The following GABRG3 variants were observed in gnomAD, a reference collection of about 807,000 sequenced individuals.
GABRG3 encodes the protein gamma-aminobutyric acid type A receptor subunit gamma3.
Under a neutral mutation model 48.8 loss-of-function variants are expected in GABRG3, and 25 were observed. The ratio of observed to expected loss-of-function variants is 0.51; its 90% CI spans 0.37 to 0.72. The LOEUF (loss-of-function observed/expected upper bound fraction) is 0.72, where lower values mean the gene tolerates loss of function less well. GABRG3 is among the 30% of genes least tolerant of loss of function. The pLI is 0.00. For synonymous variants in GABRG3, 227 were observed against 217.6 expected (o/e 1.04, Z -0.38); for missense variants, 394 against 577.9 (o/e 0.68, Z 3.26).
At chr15:27,335,335 C>T (rs73365219) in intron 5 of GABRG3, among the ~76,000 whole-genome samples, 3 of 152,300 alleles carry the variant, frequency 2.0e-5, no homozygotes, top group South Asian at 2.1e-4. Context: ...ACAGCAGCTG[C>T]ACCACTTTAC....
intron 5 of GABRG3, among the ~76,000 whole-genome samples, chr15:27,395,893 CTG>C (rs1887283579): frequency 6.6e-6 from 1 of 152,110 alleles, no homozygotes; most frequent in Non-Finnish European, 1.5e-5. Flanking sequence ...CAGGGTCTCA[CTG>C]TGTCACCCAG....
Position 27,414,499 on chromosome 15 carries a change from T to C in GABRG3, c.575-66151T>C, listed in dbSNP as rs545905589. On this transcript the variant is annotated intron_variant, in intron 5 of 9. Transcript: ENST00000615808. The stretch of plus-strand genomic sequence containing the variant: ...GGTCCTGCTGCTTATTTTAAACAAA[T>C]AAAAGCTGCTTATTTTAAACAAATG... 7.2e-5 allele frequency among the ~76,000 whole-genome samples: 11 copies of C among 152,254 alleles called. No homozygotes were observed. The South Asian group carries it at 2.1e-3, about 29-fold the overall frequency.
intron 2 of GABRG3, among the ~76,000 whole-genome samples, chr15:26,984,043 G>A (rs1895105914): frequency 6.6e-6 from 1 of 151,978 alleles, no homozygotes; most frequent in African/African-American, 2.4e-5. Context: ...CTCATTTCGT[G>A]TCCCTTCCCC....
intron 5 of GABRG3, among the ~76,000 whole-genome samples, chr15:27,355,390 T>C (rs1894801744): frequency 6.6e-6 from 1 of 152,104 alleles, no homozygotes; most frequent in Non-Finnish European, 1.5e-5. Context: ...CCCAGCACCA[T>C]AGGTCATGAG....
At chr15:27,157,536 T>C (rs1008973112) in intron 3 of GABRG3, 1 of 152,176 alleles carries the variant, frequency 6.6e-6, no homozygotes, top group African/African-American at 2.4e-5. Flanking sequence ...TTACAAAGCA[T>C]GTGAGATACT....
At chr15:27,400,616 C>T (rs150403106) in intron 5 of GABRG3, among the ~76,000 whole-genome samples, 7 of 152,102 alleles carry the variant, frequency 4.6e-5, no homozygotes, top group African/African-American at 1.2e-4. Flanking sequence ...GAATTTTAAA[C>T]GAGTTTAGAG....
At chr15:27,123,041 C>A (rs1897758267) in intron 3 of GABRG3, among the ~76,000 whole-genome samples, 1 of 151,874 alleles carries the variant, frequency 6.6e-6, no homozygotes, top group Admixed American at 6.6e-5. Flanking sequence ...TCCCCTTTTT[C>A]CCTCTCCCTT....
intron 3 of GABRG3, among the ~76,000 whole-genome samples, chr15:27,282,142 A>G (rs1891455090): frequency 6.6e-6 from 1 of 152,088 alleles, no homozygotes; most frequent in African/African-American, 2.4e-5. Context: ...AGCTGCTTTC[A>G]ATATTCTCCC....
intron 5 of GABRG3, among the ~76,000 whole-genome samples, chr15:27,348,585 C>T (rs1211826854): frequency 6.6e-6 from 1 of 152,086 alleles, no homozygotes; most frequent in Non-Finnish European, 1.5e-5. Flanking sequence ...AAAACAAGCT[C>T]CAGACCTCAT....
At chr15:27,064,725 T>C (rs1896708634) in intron 3 of GABRG3, among the ~76,000 whole-genome samples, 1 of 152,156 alleles carries the variant, frequency 6.6e-6, no homozygotes, top group East Asian at 1.9e-4. Flanking sequence ...AGGGCCTCAT[T>C]TGGGCCTTCT....
rs189494336 is a variant in GABRG3, at chr15:27,072,610, C to T, written c.270+45789C>T. Among the ~76,000 whole-genome samples, 812 of 152,286 alleles carry T rather than the reference C, an allele frequency of 5.3e-3. 2 individuals are homozygous for T. Among genetic ancestry groups the T allele is most frequent in the Middle Eastern group, 0.01 (3 of 294 alleles). ...CATTTCTTGCACAAGTGACTTACTG[C>T]GGAAGGAACAGGTCGGGGGCAGTGC... On this transcript the variant is annotated intron_variant, in intron 3 of 9. Transcript: ENST00000615808.
chr15:27,529,933 A>T (rs951390425), intron 9 of GABRG3, among the ~76,000 whole-genome samples: 1 of 152,096 alleles, frequency 6.6e-6, no homozygotes, highest in East Asian at 1.9e-4. Context: ...TAATGACCTT[A>T]AAGGAAGTAC....
intron 5 of GABRG3, among the ~76,000 whole-genome samples, chr15:27,439,250 T>C (rs1420871954): frequency 6.6e-6 from 1 of 152,138 alleles, no homozygotes; most frequent in Non-Finnish European, 1.5e-5. Context: ...GACTTTCTTC[T>C]CAACAGCATG....
chr15:27,385,751 T>C (rs1895903345), intron 5 of GABRG3, among the ~76,000 whole-genome samples: 1 of 152,172 alleles, frequency 6.6e-6, no homozygotes, highest in African/African-American at 2.4e-5. Context: ...ATATTGACAG[T>C]CTCTATCTGG....
intron 3 of GABRG3, among the ~76,000 whole-genome samples, chr15:27,302,665 A>T (rs1170653362): frequency 6.6e-6 from 1 of 152,032 alleles, no homozygotes; most frequent in Admixed American, 6.6e-5. Flanking sequence ...AGAACATTCT[A>T]CCTAAAAACA....
At chr15:27,238,384 C>G (rs550759239) in intron 3 of GABRG3, among the ~76,000 whole-genome samples, 10 of 152,384 alleles carry the variant, frequency 6.6e-5, no homozygotes, top group Admixed American at 4.6e-4. Flanking sequence ...GCTGCCTTAG[C>G]TGGAGGGAGC....
At chr15:27,264,877 C>T (rs1595622836) in intron 3 of GABRG3, among the ~76,000 whole-genome samples, 1 of 151,936 alleles carries the variant, frequency 6.6e-6, no homozygotes, top group East Asian at 1.9e-4. Context: ...TCTAACTCAC[C>T]CCAAACCATT....
chr15:27,445,479 T>A (rs1227145825), intron 5 of GABRG3, among the ~76,000 whole-genome samples: 1 of 152,228 alleles, frequency 6.6e-6, no homozygotes, highest in Non-Finnish European at 1.5e-5. Flanking sequence ...CCTGTACATC[T>A]TCTTTGGAAA....
intron 2 of GABRG3, among the ~76,000 whole-genome samples, chr15:26,989,378 T>C (rs1375129824): frequency 1.3e-5 from 2 of 152,228 alleles, no homozygotes; most frequent in Non-Finnish European, 2.9e-5. Context: ...GCTATGAATA[T>C]ATGTATATAA....
Sources: gnomAD v4.1 joint callset for allele counts (sites outside exome capture counted in the v4.1 genomes callset) on GRCh38, gnomAD v4.1.1 for gene constraint, MANE v1.5 for transcripts, NCBI Gene and HGNC (gene_info 2026-07-23, HGNC 2026-07-21) for gene names.